The following BRWD1 variants were observed in gnomAD, a reference collection of about 807,000 sequenced individuals.
BRWD1 encodes bromodomain and WD repeat domain containing 1.
BRWD1 carries 82 observed loss-of-function variants against 251.2 expected under a neutral mutation model. The observed-to-expected ratio is 0.33, with a 90% CI of 0.27 to 0.39. The LOEUF is 0.39. Ranked by LOEUF, BRWD1 falls within the 10% of genes least tolerant of loss-of-function variation. The pLI is 1.00. For missense variants in BRWD1, 2,233 were observed against 2,711.6 expected, an observed-to-expected ratio of 0.82 and a Z score of 3.92; for synonymous variants, 918 against 902.8, an observed-to-expected ratio of 1.02 and a Z score of -0.30.
At chr21:39,265,121 G>GAAA (rs879111779) in intron 15 of BRWD1, 102 bp from the exon 16 acceptor site, 122 of 822,250 alleles carry the variant, frequency 1.5e-4, no homozygotes, top group Admixed American at 6.4e-4. Flanking sequence ...TATCCCTTCT[G>GAAA]AAAAAAAAAA....
rs2035884393 is a variant in BRWD1 at position 39,293,955 on chromosome 21, T to G, written c.687A>C (p.Ala229=). ...RLLSTLRGHS[A]EISDMAVNYE... is the part of the protein sequence containing the mutation. Reference sequence around the variant, plus strand: ...AGTTTACTGCCATATCTGAAATTTCTGCAGAATGACCTCTTAATGTAGATA... The same window carrying G: ...AGTTTACTGCCATATCTGAAATTTCGGCAGAATGACCTCTTAATGTAGATA... Residue 229 remains alanine, a synonymous_variant, in exon 8 of 41, where the codon GCA becomes GCC. Coordinates refer to ENST00000342449, the MANE Select transcript of BRWD1 (RefSeq NM_033656.4). 2.5e-6 allele frequency: 4 copies of G among 1,614,084 alleles called. No individual in the cohort carries two copies. Among genetic ancestry groups the G allele is most frequent in the South Asian group, 2.2e-5 (2 of 91,092 alleles).
upstream of BRWD1, among the ~76,000 whole-genome samples, chr21:39,316,665 A>G (rs1298441155): frequency 6.6e-6 from 1 of 152,262 alleles, no homozygotes; most frequent in Non-Finnish European, 1.5e-5. Flanking sequence ...GAGCCCAGAC[A>G]CAGTGGCTCA....
intron 21 of BRWD1, among the ~76,000 whole-genome samples, chr21:39,246,189 T>C (rs2034182672): frequency 6.6e-6 from 1 of 151,926 alleles, no homozygotes; most frequent in African/African-American, 2.4e-5. Flanking sequence ...CCAGAACATA[T>C]AAAGAATTCT....
At chr21:39,316,419 C>T (rs1051093048), upstream of BRWD1, among the ~76,000 whole-genome samples, 1 of 152,192 alleles carries the variant, frequency 6.6e-6, no homozygotes, top group Non-Finnish European at 1.5e-5. Flanking sequence ...GGACAGTGAT[C>T]TGATGCTGCA....
chr21:39,186,048 T>C lies in BRWD1; in HGVS notation c.*10211A>G, dbSNP rs999229143. 1 of 152,176 alleles carries C rather than the reference T, an allele frequency of 6.6e-6. No homozygotes were observed. Among genetic ancestry groups the C allele is most frequent in the African/African-American group, 2.4e-5 (1 of 41,448 alleles). 9.4% of individuals were successfully genotyped at this position (152,176 alleles called of 1,614,324 possible). ...CCAAACATGCTACCATTAAAGTTTG[T>C]TGGGATGAGATTGTAGTAAGTTTAC... On this transcript the variant is annotated 3_prime_UTR_variant, in exon 41 of 41. Coordinates refer to ENST00000342449, the MANE Select transcript of BRWD1 (RefSeq NM_033656.4).
chr21:39,190,309 A>G lies in BRWD1; in HGVS notation c.*5950T>C, dbSNP rs1249651954. On this transcript the variant is annotated 3_prime_UTR_variant, in exon 41 of 41. Coordinates refer to ENST00000342449, the MANE Select transcript of BRWD1 (RefSeq NM_033656.4). ...ATACAAAACTGTTTTCCTAAATTCAAAGTAAACTGCATATGGTTACTACAG... is the reference window on the plus strand; with the variant it reads ...ATACAAAACTGTTTTCCTAAATTCAGAGTAAACTGCATATGGTTACTACAG... 2.0e-6 allele frequency: 2 copies of G among 984,948 alleles called. No homozygotes were observed. The highest frequency in any genetic ancestry group is 2.4e-6 in the Non-Finnish European group (2 of 829,662). The allele number at this position is 984,948 out of a possible 1,614,324, so 61.0% of individuals were successfully genotyped here. A position where few individuals can be genotyped will look rare whatever the true frequency, so the allele number is the denominator to read the frequency against.
intron 27 of BRWD1, among the ~76,000 whole-genome samples, chr21:39,226,140 A>G (rs1270068970): frequency 6.6e-6 from 1 of 152,148 alleles, no homozygotes; most frequent in Non-Finnish European, 1.5e-5. Context: ...TTCTTCATAC[A>G]AAAACAACCC....
chr21:39,296,117 TAAC>T, intron 6 of BRWD1, 145 bp downstream of exon 6: 1 of 651,220 alleles, frequency 1.5e-6, no homozygotes, highest in East Asian at 3.3e-5. Flanking sequence ...GTAATTATTT[TAAC>T]AATAATTTGA....
At chr21:39,295,640 A>T (rs2035942790) in intron 7 of BRWD1, 103 bp downstream of exon 7, 2 of 988,618 alleles carry the variant, frequency 2.0e-6, no homozygotes, top group Non-Finnish European at 2.8e-6. Flanking sequence ...ACTGAGTCAA[A>T]ATCTCTGAGG....
intron 32 of BRWD1, 71 bp from the exon 33 acceptor site, chr21:39,213,624 T>C: frequency 1.9e-6 from 2 of 1,040,004 alleles, no homozygotes; most frequent in Non-Finnish European, 2.9e-6. Context: ...AAATTATACA[T>C]TAAAATATAA....
At chr21:39,247,330 T>C (rs2034230427) in intron 21 of BRWD1, among the ~76,000 whole-genome samples, 1 of 152,224 alleles carries the variant, frequency 6.6e-6, no homozygotes, top group Non-Finnish European at 1.5e-5. Flanking sequence ...TTGTTTCAGA[T>C]TTCGTATTTT....
At chr21:39,293,639 T>C (rs2035876601) in intron 8 of BRWD1, among the ~76,000 whole-genome samples, 172 bp downstream of exon 8, 1 of 152,232 alleles carries the variant, frequency 6.6e-6, no homozygotes, top group Non-Finnish European at 1.5e-5. Flanking sequence ...ATGCATTAGA[T>C]CTTCATTTCA....
chr21:39,196,062 A>T lies in BRWD1; in HGVS notation c.*197T>A. On this transcript the variant is annotated 3_prime_UTR_variant, in exon 41 of 41. Coordinates refer to ENST00000342449, the MANE Select transcript of BRWD1 (RefSeq NM_033656.4). The stretch of plus-strand genomic sequence containing the variant: ...CCCCCAAAATGAAGCATATTTTGGC[A>T]CCTGTGCTGAATGCTGCTACAAAGA... 1 of 1,303,158 alleles carries T rather than the reference A, an allele frequency of 7.7e-7. No homozygotes were observed. Among genetic ancestry groups the T allele is most frequent in the South Asian group, 2.3e-5 (1 of 43,400 alleles). The allele number at this position is 1,303,158 out of a possible 1,614,324, so 80.7% of individuals were successfully genotyped here.
chr21:39,202,600 G>T (rs1339736266), intron 37 of BRWD1, 55 bp from the exon 38 acceptor site: 11 of 1,247,804 alleles, frequency 8.8e-6, no homozygotes, highest in South Asian at 1.4e-5. Context: ...AAAGATAATT[G>T]GTTCACAGAG....
At position 39,191,723 on chromosome 21, in the gene BRWD1, A is replaced by C; in HGVS notation, c.*4536T>G. ...TTTAAAATGATTTACCTTGTAAAAC[A>C]AAGGGGTAGAGCTGCTACAGTCCAT... On this transcript the variant is annotated 3_prime_UTR_variant, in exon 41 of 41. Transcript: ENST00000342449. 5.1e-6 allele frequency: 5 copies of C among 985,360 alleles called. No individual in the cohort carries two copies. Among genetic ancestry groups the C allele is most frequent in the Non-Finnish European group, 6.0e-6 (5 of 829,892 alleles). The allele number at this position is 985,360 out of a possible 1,614,324, so 61.0% of individuals were successfully genotyped here.
chr21:39,212,419 C>T (rs2032701536), intron 34 of BRWD1, among the ~76,000 whole-genome samples: 1 of 152,104 alleles, frequency 6.6e-6, no homozygotes, highest in African/African-American at 2.4e-5. Context: ...TATTTCTCTA[C>T]TTTTTTTGTC....
chr21:39,211,429 T>C (rs568095790), intron 34 of BRWD1, among the ~76,000 whole-genome samples: 90 of 152,286 alleles, frequency 5.9e-4, no homozygotes, highest in African/African-American at 2.0e-3. Flanking sequence ...AAAGTTATTA[T>C]AAGAGGGAGG....
intron 12 of BRWD1, among the ~76,000 whole-genome samples, chr21:39,275,054 TAATTA>T (rs1568940603): frequency 6.7e-6 from 1 of 149,460 alleles, no homozygotes; most frequent in Non-Finnish European, 1.5e-5. Context: ...CAAAAAAAAA[TAATTA>T]AATAAGAATG....
At chr21:39,254,648 A>G (rs948594411) in intron 19 of BRWD1, among the ~76,000 whole-genome samples, 19 of 152,256 alleles carry the variant, frequency 1.2e-4, no homozygotes, top group African/African-American at 4.3e-4. Flanking sequence ...TTGCTACTTG[A>G]AAACTAAGTA....
Sources: gnomAD v4.1 joint callset for allele counts (sites outside exome capture counted in the v4.1 genomes callset) on GRCh38, gnomAD v4.1.1 for gene constraint, MANE v1.5 for transcripts, NCBI Gene and HGNC (gene_info 2026-07-23, HGNC 2026-07-21) for gene names.